REDIC1: variants seen among roughly 807,000 people sequenced by gnomAD.
REDIC1 encodes the protein regulator of DNA class I crossover intermediates 1.
the REDIC1 span, among the ~76,000 whole-genome samples, chr12:39,771,990 A>G: frequency 6.6e-6 from 1 of 152,170 alleles, no homozygotes; most frequent in Admixed American, 6.5e-5. Flanking sequence ...TCTACCATCA[A>G]TTCCTACCTC....
At chr12:39,793,071 A>G in the REDIC1 span, among the ~76,000 whole-genome samples, 1 of 152,304 alleles carries the variant, frequency 6.6e-6, no homozygotes, top group South Asian at 2.1e-4. Context: ...AAAGTCTTAC[A>G]GTTTGCAAAC....
At chr12:39,646,821 A>T in the REDIC1 span, 1 of 1,530,276 alleles carries the variant, frequency 6.5e-7, no homozygotes, top group African/African-American at 1.4e-5. Flanking sequence ...TTTTTAACCT[A>T]AATTTTTCTT....
the REDIC1 span, among the ~76,000 whole-genome samples, chr12:39,728,624 C>T: frequency 6.6e-5 from 10 of 152,060 alleles, no homozygotes; most frequent in Admixed American, 5.9e-4. Flanking sequence ...TATTGTGTCT[C>T]TGCCAGGTTT....
At chr12:39,898,229 C>T in the REDIC1 span, among the ~76,000 whole-genome samples, 1 of 152,022 alleles carries the variant, frequency 6.6e-6, no homozygotes, top group Admixed American at 6.6e-5. Flanking sequence ...CTATAGATAC[C>T]TATTATCAAA....
At chr12:39,698,478 T>C in the REDIC1 span, among the ~76,000 whole-genome samples, 277 of 152,306 alleles carry the variant, frequency 1.8e-3, 1 homozygote, top group African/African-American at 6.4e-3. Context: ...ACTTCATCTG[T>C]ACTATAGATC....
the REDIC1 span, among the ~76,000 whole-genome samples, chr12:39,713,649 C>G: frequency 1.7e-4 from 24 of 141,578 alleles, no homozygotes; most frequent in African/African-American, 5.7e-4. Flanking sequence ...GTATATATAC[C>G]TGTATACATG....
the REDIC1 span, among the ~76,000 whole-genome samples, chr12:39,639,160 C>T: frequency 6.6e-6 from 1 of 151,964 alleles, no homozygotes; most frequent in Non-Finnish European, 1.5e-5. Flanking sequence ...CTCAGGTCCT[C>T]CTTAGTCTTA....
chr12:39,648,543 T>A, the REDIC1 span, among the ~76,000 whole-genome samples: 1 of 151,472 alleles, frequency 6.6e-6, no homozygotes, highest in South Asian at 2.1e-4. Context: ...TATATAAATA[T>A]TAAGATTCTA....
At chr12:39,832,341 T>C in the REDIC1 span, among the ~76,000 whole-genome samples, 5 of 152,168 alleles carry the variant, frequency 3.3e-5, no homozygotes, top group African/African-American at 7.2e-5. Flanking sequence ...ATGATACTCA[T>C]TTGGGAAAGG....
the REDIC1 span, among the ~76,000 whole-genome samples, chr12:39,737,147 C>G: frequency 6.6e-6 from 1 of 152,126 alleles, no homozygotes; most frequent in Non-Finnish European, 1.5e-5. Context: ...ACAATTGATA[C>G]TCAATAACTC....
the REDIC1 span, among the ~76,000 whole-genome samples, chr12:39,632,767 G>A: frequency 6.6e-6 from 1 of 152,044 alleles, no homozygotes; most frequent in African/African-American, 2.4e-5. Context: ...TTACTGTACT[G>A]AATATTGTAG....
At chr12:39,842,117 C>T in the REDIC1 span, among the ~76,000 whole-genome samples, 1 of 151,964 alleles carries the variant, frequency 6.6e-6, no homozygotes, top group Non-Finnish European at 1.5e-5. Context: ...GGGGTTCCAA[C>T]CTAAGGATGT....
the REDIC1 span, among the ~76,000 whole-genome samples, chr12:39,846,503 G>A: frequency 6.6e-6 from 1 of 152,128 alleles, no homozygotes; most frequent in Non-Finnish European, 1.5e-5. Flanking sequence ...CCCAGGGTGG[G>A]TGCAGTGGTG....
At chr12:39,772,757 C>T in the REDIC1 span, among the ~76,000 whole-genome samples, 3 of 152,162 alleles carry the variant, frequency 2.0e-5, no homozygotes, top group African/African-American at 7.2e-5. Context: ...GGGTGATCTC[C>T]TGCTGTGGCA....
chr12:39,764,654 A>G, the REDIC1 span: 1 of 1,582,552 alleles, frequency 6.3e-7, no homozygotes, highest in South Asian at 1.2e-5. Context: ...AATAGCATGT[A>G]AGAAATTTGA....
chr12:39,834,702 G>A, the REDIC1 span, among the ~76,000 whole-genome samples: 1 of 152,088 alleles, frequency 6.6e-6, no homozygotes, highest in Non-Finnish European at 1.5e-5. Context: ...TCTGGACTAA[G>A]CCCTTATCTG....
chr12:39,896,823 A>C, the REDIC1 span, among the ~76,000 whole-genome samples: 7 of 152,278 alleles, frequency 4.6e-5, no homozygotes, highest in African/African-American at 1.7e-4. Context: ...TCATTCTGTC[A>C]ATAGTGTGAC....
At chr12:39,903,588 C>CA in the REDIC1 span, among the ~76,000 whole-genome samples, 3 of 152,032 alleles carry the variant, frequency 2.0e-5, no homozygotes, top group Admixed American at 1.3e-4. Flanking sequence ...AAACCAAACT[C>CA]ATGAGTTCTA....
chr12:39,820,544 A>G, the REDIC1 span, among the ~76,000 whole-genome samples: 2 of 151,972 alleles, frequency 1.3e-5, no homozygotes, highest in African/African-American at 4.8e-5. Context: ...AGTAGGAAGG[A>G]CCTGGATACC....
Sources: gnomAD v4.1 joint callset for allele counts (sites outside exome capture counted in the v4.1 genomes callset) on GRCh38, gnomAD v4.1.1 for gene constraint, MANE v1.5 for transcripts, NCBI Gene and HGNC (gene_info 2026-07-23, HGNC 2026-07-21) for gene names.